The following WWC2 variants were observed in gnomAD, a reference collection of about 807,000 sequenced individuals.
WWC2 encodes WW and C2 domain containing 2, also known as protein WWC2.
WWC2 carries 101 observed loss-of-function variants against 138.5 expected under a neutral mutation model. The observed-to-expected ratio is 0.73, with a 90% CI of 0.62 to 0.86. The LOEUF (loss-of-function observed/expected upper bound fraction) is 0.86. Ranked by LOEUF, WWC2 falls within the 40% of genes least tolerant of loss-of-function variation. The pLI is 0.00. For synonymous variants in WWC2, 558 were observed against 538.4 expected, an observed-to-expected ratio of 1.04 and a Z score of -0.50; for missense variants, 1,420 against 1,419.4, an observed-to-expected ratio of 1.00 and a Z score of -0.01.
chr4:183,151,733 G>C (rs1486332800), intron 1 of WWC2, among the ~76,000 whole-genome samples: 1 of 152,148 alleles, frequency 6.6e-6, no homozygotes, highest in Non-Finnish European at 1.5e-5. Context: ...GTAAGGAAGG[G>C]ATCCAGTTTC....
intron 21 of WWC2, among the ~76,000 whole-genome samples, chr4:183,308,178 G>A (rs1026339568): frequency 1.3e-5 from 2 of 152,110 alleles, no homozygotes; most frequent in African/African-American, 4.8e-5. Context: ...TATGTATAAG[G>A]TCTATAGAGG....
At chr4:183,172,556 G>GTTTTTT (rs61599876) in intron 1 of WWC2, among the ~76,000 whole-genome samples, 101 of 112,746 alleles carry the variant, frequency 9.0e-4, no homozygotes, top group East Asian at 2.2e-3. Flanking sequence ...TATGTTTCTT[G>GTTTTTT]TTTTTTTTTT....
intron 1 of WWC2, among the ~76,000 whole-genome samples, chr4:183,133,748 G>A (rs1313578253): frequency 2.6e-5 from 4 of 152,108 alleles, no homozygotes; most frequent in African/African-American, 9.7e-5. Context: ...GCCCACCTTG[G>A]CCTCCCAAAG....
rs1743091839 is a variant in WWC2, at chr4:183,099,558, G to T, written c.67G>T (p.Asp23Tyr). ...PRGWEEARDY[D>Y]GKVFYIDHNT... is the part of the protein sequence containing the mutation. Reference sequence around the variant, plus strand: ...GGGCTGGGAGGAGGCCAGGGACTACGACGGCAAGGTCTTCTACATTGACCA... The same window carrying T: ...GGGCTGGGAGGAGGCCAGGGACTACTACGGCAAGGTCTTCTACATTGACCA... The change falls in exon 1 of 23, where the codon GAC becomes TAC. Residue 23 changes from aspartate (D) to tyrosine (Y), a missense_variant. Transcript: ENST00000403733. The T allele has an allele frequency of 1.4e-6, 2 of 1,423,454 alleles. No homozygotes were observed. 88.2% of individuals were successfully genotyped at this position (1,423,454 alleles called of 1,614,324 possible). A position where few individuals can be genotyped will look rare whatever the true frequency, so the allele number is the denominator to read the frequency against.
chr4:183,299,520 G>A (rs1022409936), intron 21 of WWC2, among the ~76,000 whole-genome samples: 1 of 152,176 alleles, frequency 6.6e-6, no homozygotes, highest in African/African-American at 2.4e-5. Context: ...TAAACTGTTT[G>A]AGTTGTGTAC....
chr4:183,202,593 G>A (rs1398109526), intron 2 of WWC2, among the ~76,000 whole-genome samples: 1 of 152,090 alleles, frequency 6.6e-6, no homozygotes, highest in Non-Finnish European at 1.5e-5. Flanking sequence ...AAAGGAAGAG[G>A]GAGCAGAGTG....
chr4:183,260,888 G>A (rs1737299997), intron 10 of WWC2, 22 bp from the exon 11 acceptor site: 1 of 1,610,594 alleles, frequency 6.2e-7, no homozygotes. Flanking sequence ...AGATTTTATG[G>A]TGTGTGCTTT....
chr4:183,171,589 C>G (rs953403001), intron 1 of WWC2, among the ~76,000 whole-genome samples: 1 of 152,098 alleles, frequency 6.6e-6, no homozygotes, highest in African/African-American at 2.4e-5. Context: ...AAATTGGAAA[C>G]TTAGTGGGAG....
At chr4:183,130,851 C>T (rs1440854270) in intron 1 of WWC2, among the ~76,000 whole-genome samples, 1 of 152,156 alleles carries the variant, frequency 6.6e-6, no homozygotes, top group Non-Finnish European at 1.5e-5. Context: ...TCCTCTACCT[C>T]CTGAAAAAAG....
chr4:183,195,929 G>A (rs1313646005), intron 2 of WWC2, among the ~76,000 whole-genome samples: 2 of 152,082 alleles, frequency 1.3e-5, no homozygotes, highest in East Asian at 3.9e-4. Context: ...TTGGAGGTAG[G>A]GCCTGATGGG....
At chr4:183,137,606 C>G (rs944342886) in intron 1 of WWC2, among the ~76,000 whole-genome samples, 1 of 152,098 alleles carries the variant, frequency 6.6e-6, no homozygotes, top group Non-Finnish European at 1.5e-5. Context: ...TCAAACAATC[C>G]TCCCACTTCA....
chr4:183,228,366 CA>C (rs1736133688), intron 4 of WWC2, among the ~76,000 whole-genome samples: 1 of 152,080 alleles, frequency 6.6e-6, no homozygotes, highest in African/African-American at 2.4e-5. Flanking sequence ...ATAGATCAAG[CA>C]GATTTAAAAA....
chr4:183,245,019 G>T (rs964767150), intron 5 of WWC2, among the ~76,000 whole-genome samples: 6 of 152,070 alleles, frequency 3.9e-5, no homozygotes, highest in Admixed American at 3.3e-4. Context: ...GGATCACGAG[G>T]TCAGGAGTTC....
In WWC2 at chr4:183,310,946, C is replaced by A. The variant is rs147303813; in HGVS notation, c.3385-1395C>A. Among the ~76,000 whole-genome samples the A allele has an allele frequency of 1.5e-3, 225 of 151,216 alleles. 1 individual carries two copies. The highest frequency in any genetic ancestry group is 5.1e-3 in the African/African-American group (212 of 41,176). ...CATATATATGTACTCATTTAAACTT[C>A]ACAACTTTGAAATAAGTACTTATTC... On this transcript the variant is annotated intron_variant, in intron 21 of 22. Coordinates refer to ENST00000403733, the MANE Select transcript of WWC2 (RefSeq NM_024949.6).
intron 1 of WWC2, among the ~76,000 whole-genome samples, chr4:183,179,723 T>C (rs1734569588): frequency 6.6e-6 from 1 of 152,040 alleles, no homozygotes. Context: ...TTATGAGTTG[T>C]TTGATGTGGC....
At chr4:183,123,783 G>T (rs1187152597) in intron 1 of WWC2, among the ~76,000 whole-genome samples, 1 of 151,848 alleles carries the variant, frequency 6.6e-6, no homozygotes, top group Non-Finnish European at 1.5e-5. Context: ...CTATTAATAT[G>T]ATGAATTTTA....
intron 11 of WWC2, among the ~76,000 whole-genome samples, chr4:183,262,699 G>T (rs1490519454): frequency 6.6e-6 from 1 of 152,216 alleles, no homozygotes; most frequent in Non-Finnish European, 1.5e-5. Context: ...GGAATGGTGT[G>T]TGTACATAAT....
chr4:183,310,097 G>A (rs149465987), intron 21 of WWC2, among the ~76,000 whole-genome samples: 1 of 152,322 alleles, frequency 6.6e-6, no homozygotes, highest in African/African-American at 2.4e-5. Flanking sequence ...TTTTAAAGCA[G>A]TGAAACTCCT....
At chr4:183,196,889 A>G (rs1214473535) in intron 2 of WWC2, among the ~76,000 whole-genome samples, 3 of 152,148 alleles carry the variant, frequency 2.0e-5, no homozygotes, top group African/African-American at 7.2e-5. Flanking sequence ...CCCCATCCAG[A>G]TATTTCCAGA....
Sources: allele counts gnomAD v4.1 joint callset (sites outside exome capture counted in the v4.1 genomes callset), GRCh38; gene constraint gnomAD v4.1.1; transcripts MANE v1.5; gene names NCBI Gene and HGNC (gene_info 2026-07-23, HGNC 2026-07-21).